The following PIK3C2G variants were observed in gnomAD, a reference collection of about 807,000 sequenced individuals.
The protein encoded by PIK3C2G is phosphatidylinositol-4-phosphate 3-kinase catalytic subunit type 2 gamma, also known as phosphatidylinositol 3-kinase C2 domain-containing subunit gamma.
In PIK3C2G, 168 loss-of-function variants were observed where a neutral mutation model predicts 181.1. The observed-to-expected ratio is 0.93, with a 90% CI of 0.82 to 1.05. PIK3C2G has a LOEUF of 1.05. Ranked by LOEUF, PIK3C2G falls within the 50% of genes least tolerant of loss-of-function variation. The pLI, the probability that PIK3C2G is intolerant of heterozygous loss-of-function variation, is 0.00. For missense variants in PIK3C2G, 1,869 were observed against 1,732.8 expected (o/e 1.08, Z -1.40); for synonymous variants, 573 against 592.2 (o/e 0.97, Z 0.47).
intron 22 of PIK3C2G, among the ~76,000 whole-genome samples, chr12:18,502,870 A>G (rs1941588108): frequency 6.6e-6 from 1 of 152,092 alleles, no homozygotes; most frequent in South Asian, 2.1e-4. Flanking sequence ...TATATGTGCA[A>G]TGTTTGTTAT....
chr12:18,405,847 A>T (rs570852459), intron 16 of PIK3C2G, among the ~76,000 whole-genome samples: 1 of 152,304 alleles, frequency 6.6e-6, no homozygotes, highest in East Asian at 1.9e-4. Flanking sequence ...AAAGCTAATT[A>T]ACAAAGTCAT....
chr12:18,264,199 GTTT>G (rs148926808), intron 1 of PIK3C2G, among the ~76,000 whole-genome samples: 1 of 152,086 alleles, frequency 6.6e-6, no homozygotes, highest in Non-Finnish European at 1.5e-5. Context: ...AATAGAAAAT[GTTT>G]TTTAAGTTGG....
intron 24 of PIK3C2G, among the ~76,000 whole-genome samples, chr12:18,509,613 T>C (rs1034192552): frequency 1.3e-5 from 2 of 152,204 alleles, no homozygotes; most frequent in Non-Finnish European, 2.9e-5. Context: ...TATGCTCAGG[T>C]GTCCCTGAAC....
At chr12:18,365,726 A>T (rs1478014828) in intron 12 of PIK3C2G, among the ~76,000 whole-genome samples, 1 of 152,190 alleles carries the variant, frequency 6.6e-6, no homozygotes, top group South Asian at 2.1e-4. Flanking sequence ...TACAATTTAA[A>T]TGCCAACAGC....
At chr12:18,385,781 G>T (rs1221415814) in intron 14 of PIK3C2G, among the ~76,000 whole-genome samples, 2 of 151,984 alleles carry the variant, frequency 1.3e-5, no homozygotes, top group Non-Finnish European at 2.9e-5. Context: ...GGCCAAGTTG[G>T]TTTCGAACTC....
intron 6 of PIK3C2G, among the ~76,000 whole-genome samples, chr12:18,316,018 A>G (rs1177656682): frequency 1.3e-5 from 2 of 152,108 alleles, no homozygotes; most frequent in Non-Finnish European, 2.9e-5. Context: ...ATATTATATT[A>G]TGATGGTATA....
At chr12:18,475,903 G>T (rs985628556) in intron 18 of PIK3C2G, among the ~76,000 whole-genome samples, 1 of 152,050 alleles carries the variant, frequency 6.6e-6, no homozygotes, top group Non-Finnish European at 1.5e-5. Flanking sequence ...ATTTTAGGAA[G>T]ATGGGATTTA....
the PIK3C2G span, among the ~76,000 whole-genome samples, chr12:18,668,220 T>C: frequency 6.6e-6 from 1 of 152,104 alleles, no homozygotes; most frequent in Non-Finnish European, 1.5e-5. Flanking sequence ...CTACAGAATA[T>C]CACAGTAAGC....
At chr12:18,596,040 ATG>A (rs1238659486) in intron 30 of PIK3C2G, among the ~76,000 whole-genome samples, 7 of 152,106 alleles carry the variant, frequency 4.6e-5, no homozygotes, top group African/African-American at 1.7e-4. Context: ...CCCTGGGGTC[ATG>A]CACAGTGTCT....
At chr12:18,379,765 T>A (rs1486108865) in intron 13 of PIK3C2G, among the ~76,000 whole-genome samples, 2 of 152,104 alleles carry the variant, frequency 1.3e-5, no homozygotes, top group Non-Finnish European at 1.5e-5. Flanking sequence ...TGACTCAGGC[T>A]CTCACAGGCA....
intron 18 of PIK3C2G, among the ~76,000 whole-genome samples, chr12:18,425,750 G>A (rs1173648938): frequency 6.6e-6 from 1 of 152,076 alleles, no homozygotes; most frequent in Non-Finnish European, 1.5e-5. Context: ...AGAGAGAATT[G>A]TTTTGAATAA....
chr12:18,696,904 A>G, the PIK3C2G span, among the ~76,000 whole-genome samples: 1 of 152,130 alleles, frequency 6.6e-6, no homozygotes, highest in Non-Finnish European at 1.5e-5. Flanking sequence ...TCTTACTGGG[A>G]TAATCTCTAC....
chr12:18,509,662 C>A (rs1174954761), intron 24 of PIK3C2G, among the ~76,000 whole-genome samples: 2 of 152,152 alleles, frequency 1.3e-5, no homozygotes, highest in African/African-American at 2.4e-5. Context: ...TCTGGAAATT[C>A]TATTTCGACA....
At chr12:18,628,315 C>T (rs1268367680) in intron 31 of PIK3C2G, among the ~76,000 whole-genome samples, 1 of 152,110 alleles carries the variant, frequency 6.6e-6, no homozygotes, top group Non-Finnish European at 1.5e-5. Context: ...TGGCATACCC[C>T]ATAATATTAG....
At chr12:18,587,792 C>A (rs1946869538) in intron 29 of PIK3C2G, among the ~76,000 whole-genome samples, 1 of 151,644 alleles carries the variant, frequency 6.6e-6, no homozygotes, top group Non-Finnish European at 1.5e-5. Flanking sequence ...ACCTGAATAG[C>A]CAACCCAATC....
At chr12:18,383,144 C>T (rs1267958125) in intron 14 of PIK3C2G, among the ~76,000 whole-genome samples, 1 of 152,148 alleles carries the variant, frequency 6.6e-6, no homozygotes, top group African/African-American at 2.4e-5. Context: ...ATCACAAACC[C>T]GGTAAACATA....
At chr12:18,243,986 A>G (rs909168644), upstream of PIK3C2G, among the ~76,000 whole-genome samples, 12 of 152,146 alleles carry the variant, frequency 7.9e-5, no homozygotes, top group African/African-American at 2.9e-4. Context: ...TCCAGAGCTT[A>G]TATTCAGTAA....
intron 29 of PIK3C2G, among the ~76,000 whole-genome samples, chr12:18,568,104 C>T (rs866665135): frequency 1.3e-5 from 2 of 152,102 alleles, no homozygotes; most frequent in Non-Finnish European, 2.9e-5. Flanking sequence ...ATAATCTCAC[C>T]GTCTCAGGAT....
At chr12:18,505,651 G>T (rs893360682) in intron 24 of PIK3C2G, among the ~76,000 whole-genome samples, 190 bp downstream of exon 24, 1 of 152,166 alleles carries the variant, frequency 6.6e-6, no homozygotes, top group Non-Finnish European at 1.5e-5. Context: ...CAACAAATTT[G>T]ATTTCCTCAA....
Sources: allele counts gnomAD v4.1 joint callset (sites outside exome capture counted in the v4.1 genomes callset), GRCh38; gene constraint gnomAD v4.1.1; transcripts MANE v1.5; gene names NCBI Gene and HGNC (gene_info 2026-07-23, HGNC 2026-07-21).